CELA1: variants seen among roughly 807,000 people sequenced by gnomAD.
CELA1 encodes chymotrypsin-like elastase family member 1.
In CELA1, 28 loss-of-function variants were observed where a neutral mutation model predicts 34.8. The ratio of observed to expected loss-of-function variants is 0.80; its 90% CI spans 0.60 to 1.10. CELA1 has a LOEUF of 1.10. Among genes scored for constraint, CELA1 ranks in the 50% least tolerant of loss-of-function variants. The pLI is 0.00. For synonymous variants in CELA1, 140 were observed against 129.8 expected (o/e 1.08, Z -0.53); for missense variants, 288 against 327.5 (o/e 0.88, Z 0.93).
rs1365444381 is a variant in CELA1, at chr12:51,328,565, T to C, written c.*12A>G. On this transcript the variant is annotated 3_prime_UTR_variant, in exon 8 of 8. Transcript: ENST00000293636. The stretch of plus-strand genomic sequence containing the variant: ...AACCATTTTGGGAAGGTCGTTGGAC[T>C]CAGGAAAATGTTCAGTTGGAGGCGA... 6.2e-7 allele frequency: 1 copy of C among 1,614,156 alleles called. No individual in the cohort carries two copies. Among genetic ancestry groups the C allele is most frequent in the Admixed American group, 1.7e-5 (1 of 60,014 alleles).
At position 51,340,388 on chromosome 12, in the gene CELA1, C is replaced by CTTTTTT. The variant is rs11315182; in HGVS notation, c.464-389_464-384dup. 5.8e-5 allele frequency among the ~76,000 whole-genome samples: 7 copies of CTTTTTT among 121,538 alleles called. No individual in the cohort carries two copies. The East Asian group carries it at 6.9e-4, about 12-fold the overall frequency. 79.7% of individuals were successfully genotyped at this position (121,538 alleles called of 152,430 possible). ...CATGCTTGTTTCCATTTCTTTCTTT[C>CTTTTTT]TTTTTTTTTTTTTTTTTTGAGATGG... On this transcript the variant is annotated intron_variant, in intron 5 of 7. Transcript: ENST00000293636.
chr12:51,342,100 C>T lies in CELA1; in HGVS notation c.326+475G>A, dbSNP rs772841132. Among the ~76,000 whole-genome samples, 31 of 152,268 alleles carry T rather than the reference C, an allele frequency of 2.0e-4. No homozygotes were observed. The South Asian group carries it at 2.7e-3, about 13-fold the overall frequency. On this transcript the variant is annotated intron_variant, in intron 4 of 7. Transcript: ENST00000293636. The stretch of plus-strand genomic sequence containing the variant: ...TGTCACCCAGGCTGGAGTGCAGTGG[C>T]GCGATCTCAGCTCACTGCACCCTCT...
intron 1 of CELA1, 49 bp from the exon 2 acceptor site, chr12:51,345,926 C>T: frequency 7.4e-7 from 1 of 1,356,642 alleles, no homozygotes; most frequent in Non-Finnish European, 1.0e-6. Context: ...TGGGGTCAGC[C>T]AGGGGTAGGG....
chr12:51,338,301 T>TAC (rs1565701037), intron 6 of CELA1, among the ~76,000 whole-genome samples: 19 of 14,784 alleles, frequency 1.3e-3, no homozygotes, highest in Non-Finnish European at 5.6e-3. Flanking sequence ...CACATACGCA[T>TAC]ACATATATAT....
chr12:51,334,174 C>G (rs1946488000), intron 6 of CELA1, among the ~76,000 whole-genome samples: 2 of 152,142 alleles, frequency 1.3e-5, no homozygotes, highest in Non-Finnish European at 2.9e-5. Flanking sequence ...TTTTTTAGAG[C>G]TCAGGGCTTA....
intron 6 of CELA1, among the ~76,000 whole-genome samples, chr12:51,338,311 T>C (rs1946513393): frequency 1.3e-5 from 2 of 149,176 alleles, no homozygotes; most frequent in Non-Finnish European, 3.0e-5. Flanking sequence ...TACATATATA[T>C]ATATATATAT....
rs545718650 is a variant in CELA1, at chr12:51,335,168, T to C, written c.609+4692A>G. Among the ~76,000 whole-genome samples, 5 of 152,326 alleles carry C rather than the reference T, an allele frequency of 3.3e-5. No homozygotes were observed. In the East Asian group the frequency reaches 9.7e-4, roughly 29 times the overall value. On this transcript the variant is annotated intron_variant, in intron 6 of 7. Transcript: ENST00000293636. ...CTGTGCTCTTAGTTCCATCTCTTTC[T>C]TCTGTGGGATCTTGTGCCATCCATT...
intron 5 of CELA1, 142 bp downstream of exon 5, chr12:51,341,102 A>G (rs1946531610): frequency 2.7e-6 from 2 of 753,452 alleles, no homozygotes; most frequent in Non-Finnish European, 4.4e-6. Flanking sequence ...GCTTGATATA[A>G]TGCATCAGTT....
chr12:51,335,692 C>G (rs568069364), intron 6 of CELA1, among the ~76,000 whole-genome samples: 3 of 150,270 alleles, frequency 2.0e-5, no homozygotes, highest in African/African-American at 7.3e-5. Context: ...GCCGGAGTGC[C>G]GTGGTGCGAT....
At chr12:51,332,574 A>G (rs1424236803) in intron 6 of CELA1, among the ~76,000 whole-genome samples, 2 of 152,082 alleles carry the variant, frequency 1.3e-5, no homozygotes, top group Non-Finnish European at 2.9e-5. Context: ...AATAAAAAGT[A>G]AAACTTGGGG....
rs573596881 is a variant in CELA1 at position 51,330,183 on chromosome 12, C to G, written c.610-350G>C. On this transcript the variant is annotated intron_variant, in intron 6 of 7. Coordinates refer to ENST00000293636, the MANE Select transcript of CELA1 (RefSeq NM_001971.6). ...GAACTTTAAATATCTAAAGTTCAAT[C>G]GCTTTTATTGGCTTAAATTGAACCT... Among the ~76,000 whole-genome samples, 12 of 152,262 alleles carry G rather than the reference C, an allele frequency of 7.9e-5. No individual in the cohort carries two copies. In the South Asian group the frequency reaches 2.5e-3, roughly 32 times the overall value.
At chr12:51,341,101 A>C in intron 5 of CELA1, 143 bp downstream of exon 5, 1 of 738,976 alleles carries the variant, frequency 1.4e-6, no homozygotes, top group Non-Finnish European at 2.3e-6. Context: ...AGCTTGATAT[A>C]ATGCATCAGT....
intron 6 of CELA1, among the ~76,000 whole-genome samples, chr12:51,332,998 C>T (rs752658206): frequency 6.6e-6 from 1 of 151,756 alleles, no homozygotes; most frequent in African/African-American, 2.4e-5. Context: ...AGTGCCATTT[C>T]GGCTCACTGC....
intron 6 of CELA1, among the ~76,000 whole-genome samples, chr12:51,337,417 A>G (rs975925788): frequency 6.6e-6 from 1 of 151,562 alleles, no homozygotes; most frequent in African/African-American, 2.4e-5. Context: ...TGTGCCTGTG[A>G]TCCTAGCTAC....
chr12:51,345,416 G>A (rs1045991972), intron 2 of CELA1, among the ~76,000 whole-genome samples: 2 of 152,228 alleles, frequency 1.3e-5, no homozygotes, highest in Admixed American at 6.5e-5. Context: ...GTGTGTGCGC[G>A]CACATGCGTG....
At chr12:51,337,903 G>A (rs1157990431) in intron 6 of CELA1, among the ~76,000 whole-genome samples, 4 of 147,742 alleles carry the variant, frequency 2.7e-5, no homozygotes, top group African/African-American at 7.5e-5. Context: ...AGAGTGAGAC[G>A]CTGTCTCAAA....
chr12:51,338,619 G>A (rs990282377), intron 6 of CELA1, among the ~76,000 whole-genome samples: 1 of 152,084 alleles, frequency 6.6e-6, no homozygotes, highest in Non-Finnish European at 1.5e-5. Context: ...GTAGAGGTAG[G>A]TACCTACCCT....
At chr12:51,332,947 T>G (rs575335208) in intron 6 of CELA1, among the ~76,000 whole-genome samples, 4 of 152,228 alleles carry the variant, frequency 2.6e-5, no homozygotes, top group Admixed American at 1.3e-4. Context: ...GTGTTTGTTT[T>G]GAGATGGAGT....
intron 3 of CELA1, among the ~76,000 whole-genome samples, chr12:51,342,917 C>A (rs1311111307): frequency 6.6e-6 from 1 of 151,508 alleles, no homozygotes; most frequent in Non-Finnish European, 1.5e-5. Flanking sequence ...GTAGCTGGGA[C>A]TACAGGTGTG....
Sources: allele counts gnomAD v4.1 joint callset (sites outside exome capture counted in the v4.1 genomes callset), GRCh38; gene constraint gnomAD v4.1.1; transcripts MANE v1.5; gene names NCBI Gene and HGNC (gene_info 2026-07-23, HGNC 2026-07-21).